CP: variants seen among roughly 807,000 people sequenced by gnomAD.
CP encodes the protein caeruloplasmin.
Under a neutral mutation model 122.4 loss-of-function variants are expected in CP, and 64 were observed. The ratio of observed to expected loss-of-function variants is 0.52; its 90% CI spans 0.43 to 0.64. CP has a LOEUF of 0.64. Ranked by LOEUF, CP falls within the 30% of genes least tolerant of loss-of-function variation. The pLI is 0.00. For missense variants in CP, 1,167 were observed against 1,284.4 expected, an observed-to-expected ratio of 0.91 and a Z score of 1.40; for synonymous variants, 440 against 436.4, an observed-to-expected ratio of 1.01 and a Z score of -0.10.
chr3:149,185,874 A>G (rs1478428661), intron 11 of CP, among the ~76,000 whole-genome samples: 1 of 152,200 alleles, frequency 6.6e-6, no homozygotes, highest in Admixed American at 6.5e-5. Context: ...TTTCAGCAGC[A>G]TGAGACATCT....
downstream of CP, among the ~76,000 whole-genome samples, chr3:149,169,776 A>G (rs1244454596): frequency 6.6e-6 from 1 of 152,232 alleles, no homozygotes; most frequent in Non-Finnish European, 1.5e-5. Flanking sequence ...CTGTTTTTGT[A>G]ATGAACCAGG....
intron 4 of CP, 31 bp downstream of exon 4, chr3:149,209,180 A>T: frequency 6.2e-7 from 1 of 1,613,224 alleles, no homozygotes; most frequent in South Asian, 1.1e-5. Context: ...GGGAAAAAAA[A>T]GTAAAGTTAA....
At chr3:149,200,436 C>T (rs1160237772) in intron 7 of CP, among the ~76,000 whole-genome samples, 1 of 152,094 alleles carries the variant, frequency 6.6e-6, no homozygotes, top group African/African-American at 2.4e-5. Context: ...AATCCCTATA[C>T]CAACTTTAAT....
chr3:149,176,309 T>C lies in CP; in HGVS notation c.3122A>G (p.His1041Arg). 1 of 1,613,478 alleles carries C rather than the reference T, an allele frequency of 6.2e-7. No individual in the cohort carries two copies. The highest frequency in any genetic ancestry group is 8.5e-7 in the Non-Finnish European group (1 of 1,179,708). ...TCCAGCATGAATGTGGTCGGTCACA[T>C]GGCAGTGGAGTAACCAAATTCCAGG... ...RTPGIWLLHC[H>R]VTDHIHAGME... The change falls in exon 18 of 19, where the codon CAT becomes CGT. Residue 1041 changes from histidine (H) to arginine (R), a missense_variant. This residue lies in a region of CP where 525 missense variants were observed against 657.2 expected (regional missense o/e 0.80). Transcript: ENST00000264613.
rs141912721 is a variant in CP at position 149,177,886 on chromosome 3, A to G, written c.2972T>C (p.Ile991Thr). ...GTGAAAATGTACAGTGTGTAAGTCT[A>G]TTTCATTGCCCATTCCCATCAGATA... Reference protein sequence around the residue: ...NWYLMGMGNEIDLHTVHFHGH... With the variant: ...NWYLMGMGNETDLHTVHFHGH... Residue 991 changes from isoleucine (I) to threonine (T), a missense_variant, in exon 17 of 19, where the codon ATA (isoleucine) becomes ACA (threonine). Physicochemically the swap from Ile to Thr is moderately conservative, Grantham distance 89. Coordinates refer to ENST00000264613, the MANE Select transcript of CP (RefSeq NM_000096.4). The G allele has an allele frequency of 5.0e-6, 8 of 1,613,786 alleles. No individual in the cohort carries two copies. The highest frequency in any genetic ancestry group is 2.2e-5 in the South Asian group (2 of 91,070).
intron 9 of CP, among the ~76,000 whole-genome samples, chr3:149,194,632 C>G (rs1349336544): frequency 6.6e-6 from 1 of 151,834 alleles, no homozygotes; most frequent in East Asian, 1.9e-4. Context: ...AATCCAAGAT[C>G]CATATAAGAG....
At chr3:149,208,325 C>A (rs566894552) in intron 4 of CP, among the ~76,000 whole-genome samples, 1 of 152,244 alleles carries the variant, frequency 6.6e-6, no homozygotes, top group Admixed American at 6.5e-5. Flanking sequence ...ACATGTAACA[C>A]TGGTACCAAA....
Position 149,199,924 on chromosome 3 carries a change from A to T in CP, c.1349-60T>A, listed in dbSNP as rs570148799. On this transcript the variant is annotated intron_variant, in intron 7 of 18. Transcript: ENST00000264613. ...GTATGTAACATGCAGAATGTATAAGATAGTTATCTTCTTTGACTGTGTTCT... is the reference window on the plus strand; with the variant it reads ...GTATGTAACATGCAGAATGTATAAGTTAGTTATCTTCTTTGACTGTGTTCT... The T allele has an allele frequency of 1.5e-5, 23 of 1,539,780 alleles. 1 individual carries two copies. The South Asian group carries it at 2.6e-4, about 17-fold the overall frequency.
chr3:149,217,956 T>C (rs1214396493), intron 1 of CP: 2 of 410,820 alleles, frequency 4.9e-6, no homozygotes, highest in Non-Finnish European at 9.8e-6. Flanking sequence ...TATAGTGACA[T>C]CTTCACTGTA....
intron 1 of CP, among the ~76,000 whole-genome samples, 154 bp from the exon 2 acceptor site, chr3:149,212,852 G>A (rs1210031204): frequency 6.6e-6 from 1 of 152,192 alleles, no homozygotes; most frequent in African/African-American, 2.4e-5. Flanking sequence ...TTGAAGTGGA[G>A]GGCTGGTAGT....
intron 9 of CP, among the ~76,000 whole-genome samples, chr3:149,188,767 T>G (rs1726356130): frequency 1.3e-5 from 2 of 151,430 alleles, no homozygotes; most frequent in Non-Finnish European, 2.9e-5. Context: ...GGAGCAGAAG[T>G]GCATCTGGTC....
At chr3:149,181,975 C>CTGGGGG in intron 14 of CP, 30 bp downstream of exon 14, 1 of 1,088,426 alleles carries the variant, frequency 9.2e-7, no homozygotes, top group Non-Finnish European at 1.4e-6. Context: ...TGTTAAAATG[C>CTGGGGG]ACCACCCCCA....
At chr3:149,187,905 C>T in intron 10 of CP, 147 bp downstream of exon 10, 1 of 784,956 alleles carries the variant, frequency 1.3e-6, no homozygotes, top group Non-Finnish European at 2.1e-6. Flanking sequence ...CATCAAATAA[C>T]CAGTGAGATT....
Position 149,210,038 on chromosome 3 carries a change from T to C in CP, c.607+129A>G, listed in dbSNP as rs35284835. ...CCTGCCTGGCTCTTCCCTTCCTTTT[T>C]TTCTACTTACCACCTCTCTACCTTA... On this transcript the variant is annotated intron_variant, in intron 3 of 18. Coordinates refer to ENST00000264613, the MANE Select transcript of CP (RefSeq NM_000096.4). 0.089 allele frequency: 75,197 copies of C among 847,308 alleles called. 3,596 individuals carry two copies. Among genetic ancestry groups the C allele is most frequent in the Non-Finnish European group, 0.098 (51,908 of 530,752 alleles). 52.5% of individuals were successfully genotyped at this position (847,308 alleles called of 1,614,324 possible). A position where few individuals can be genotyped will look rare whatever the true frequency, so the allele number is the denominator to read the frequency against.
At chr3:149,202,639 C>T (rs866858741) in intron 6 of CP, among the ~76,000 whole-genome samples, 2 of 130,178 alleles carry the variant, frequency 1.5e-5, no homozygotes, top group Non-Finnish European at 1.6e-5. Flanking sequence ...CATGGAGTCT[C>T]GCTCTGTCAC....
chr3:149,198,822 T>G (rs1239623916), intron 8 of CP, among the ~76,000 whole-genome samples: 2 of 152,224 alleles, frequency 1.3e-5, no homozygotes, highest in Non-Finnish European at 2.9e-5. Context: ...TCCGGGAATG[T>G]CCCTAGCACC....
intron 1 of CP, among the ~76,000 whole-genome samples, chr3:149,216,636 T>A (rs1416584412): frequency 6.6e-6 from 1 of 152,178 alleles, no homozygotes; most frequent in Admixed American, 6.5e-5. Context: ...AAAAATTAAC[T>A]GCTGCAAGAA....
At chr3:149,216,028 T>A (rs1728437097) in intron 1 of CP, among the ~76,000 whole-genome samples, 1 of 152,220 alleles carries the variant, frequency 6.6e-6, no homozygotes, top group South Asian at 2.1e-4. Context: ...TAGAATTCAC[T>A]CAAGTGATCT....
At chr3:149,186,421 G>A in intron 11 of CP, 99 bp downstream of exon 11, 1 of 1,148,606 alleles carries the variant, frequency 8.7e-7, no homozygotes. Context: ...AGAGGCTTGG[G>A]GAAGGGATAA....
Sources: gnomAD v4.1 joint callset for allele counts (sites outside exome capture counted in the v4.1 genomes callset) on GRCh38, gnomAD v4.1.1 for gene constraint, gnomAD v4.1.1 regional missense constraint, MANE v1.5 for transcripts, NCBI Gene and HGNC (gene_info 2026-07-23, HGNC 2026-07-21) for gene names.